SLC2A9: variants seen among roughly 807,000 people sequenced by gnomAD.
SLC2A9 encodes the protein solute carrier family 2 member 9, also known as solute carrier family 2, facilitated glucose transporter member 9.
SLC2A9 carries 39 observed loss-of-function variants against 50.6 expected under a neutral mutation model. The observed-to-expected ratio is 0.77, with a 90% confidence interval of 0.60 to 1.01. The LOEUF (loss-of-function observed/expected upper bound fraction) is 1.01. Ranked by LOEUF, SLC2A9 falls within the 50% of genes least tolerant of loss-of-function variation. The pLI is 0.00. For missense variants in SLC2A9, 686 were observed against 677.6 expected (o/e 1.01, Z -0.14); for synonymous variants, 324 against 276.9 (o/e 1.17, Z -1.69).
intron 4 of SLC2A9, among the ~76,000 whole-genome samples, chr4:9,981,146 G>A (rs1459848605): frequency 5.9e-5 from 9 of 151,928 alleles, no homozygotes; most frequent in South Asian, 2.1e-4. Context: ...CGATGGTGAC[G>A]GTGATGATGG....
chr4:10,037,796 C>A (rs1322202712), intron 1 of SLC2A9, among the ~76,000 whole-genome samples: 3 of 151,698 alleles, frequency 2.0e-5, no homozygotes, highest in East Asian at 3.9e-4. Flanking sequence ...TAAAAACACA[C>A]AAAAAATTAG....
intron 5 of SLC2A9, 26 bp downstream of exon 5, chr4:9,980,566 G>T: frequency 6.2e-7 from 1 of 1,613,908 alleles, no homozygotes. Flanking sequence ...GAGAGCAGAT[G>T]CGGTTGACCA....
At chr4:9,831,697 G>A (rs1457967209) in intron 11 of SLC2A9, among the ~76,000 whole-genome samples, 1 of 152,236 alleles carries the variant, frequency 6.6e-6, no homozygotes, top group Non-Finnish European at 1.5e-5. Context: ...CCCAGAGAAA[G>A]AGTTAAGCTG....
At chr4:9,894,831 T>C (rs1738222262) in intron 8 of SLC2A9, among the ~76,000 whole-genome samples, 1 of 152,184 alleles carries the variant, frequency 6.6e-6, no homozygotes, top group African/African-American at 2.4e-5. Flanking sequence ...GAATGTGCCA[T>C]GGAAGAGCAT....
intron 6 of SLC2A9, among the ~76,000 whole-genome samples, chr4:9,931,960 CTCTATATATATATA>C (rs1746135469): frequency 4.5e-5 from 1 of 22,350 alleles, no homozygotes; most frequent in Non-Finnish European, 7.5e-5. Flanking sequence ...CTCTCTCTCT[CTCTATATATATATA>C]TATATATATA....
chr4:9,798,444 T>C (rs1293833930), downstream of SLC2A9, among the ~76,000 whole-genome samples: 1 of 152,198 alleles, frequency 6.6e-6, no homozygotes, highest in Non-Finnish European at 1.5e-5. Flanking sequence ...GGGTTACTTA[T>C]AACCAAATCA....
At chr4:9,860,806 A>G (rs1435267733) in intron 10 of SLC2A9, among the ~76,000 whole-genome samples, 1 of 152,222 alleles carries the variant, frequency 6.6e-6, no homozygotes, top group African/African-American at 2.4e-5. Context: ...TCCTCCCTGA[A>G]GCCTGAGGCT....
chr4:9,988,013 G>C (rs1757038650), intron 3 of SLC2A9, among the ~76,000 whole-genome samples: 1 of 152,244 alleles, frequency 6.6e-6, no homozygotes, highest in African/African-American at 2.4e-5. Context: ...CAGCCACTGG[G>C]AGATTCCAAG....
chr4:9,785,189 C>A (rs770284189), intron 3 of SLC2A9, among the ~76,000 whole-genome samples: 4 of 152,172 alleles, frequency 2.6e-5, no homozygotes, highest in Non-Finnish European at 5.9e-5. Flanking sequence ...GTCAATTAAC[C>A]TTTCTGGGCC....
chr4:9,997,121 A>T (rs1353245466), intron 2 of SLC2A9, among the ~76,000 whole-genome samples, 180 bp from the exon 3 acceptor site: 1 of 152,184 alleles, frequency 6.6e-6, no homozygotes, highest in Non-Finnish European at 1.5e-5. Flanking sequence ...AGAAGATGTT[A>T]ATCTTTATTA....
chr4:10,009,795 T>G (rs991807496), intron 2 of SLC2A9: 14 of 152,256 alleles, frequency 9.2e-5, no homozygotes, highest in African/African-American at 2.7e-4. Context: ...ATTCATTCTT[T>G]CTCACTCCTT....
At chr4:9,937,248 G>A (rs139357070) in intron 6 of SLC2A9, among the ~76,000 whole-genome samples, 6 of 152,304 alleles carry the variant, frequency 3.9e-5, no homozygotes, top group East Asian at 1.9e-4. Flanking sequence ...GAACGACTTC[G>A]TGCTCTGAGG....
intron 5 of SLC2A9, among the ~76,000 whole-genome samples, chr4:9,945,159 C>T (rs1012836098): frequency 6.6e-6 from 1 of 152,254 alleles, no homozygotes; most frequent in African/African-American, 2.4e-5. Flanking sequence ...TCAGGGCAAC[C>T]TAGTGAGTGG....
At chr4:9,793,148 G>A (rs1165356621) in intron 3 of SLC2A9, among the ~76,000 whole-genome samples, 1 of 152,206 alleles carries the variant, frequency 6.6e-6, no homozygotes, top group African/African-American at 2.4e-5. Context: ...ACAAGATTTT[G>A]CAGCCTGAAC....
At chr4:9,920,937 G>C (rs1220118911) in intron 6 of SLC2A9, among the ~76,000 whole-genome samples, 1 of 152,216 alleles carries the variant, frequency 6.6e-6, no homozygotes, top group African/African-American at 2.4e-5. Flanking sequence ...AATGGCTGTT[G>C]TAATAATTGC....
At chr4:9,829,606 G>A (rs1157587279) in intron 11 of SLC2A9, among the ~76,000 whole-genome samples, 3 of 151,966 alleles carry the variant, frequency 2.0e-5, no homozygotes, top group Admixed American at 6.6e-5. Context: ...GAAAGTTTTT[G>A]CAATCTATCC....
intron 9 of SLC2A9, among the ~76,000 whole-genome samples, chr4:9,889,544 A>G (rs1317451703): frequency 1.3e-5 from 2 of 152,136 alleles, no homozygotes; most frequent in African/African-American, 2.4e-5. Context: ...CTGCCAGCAC[A>G]TTGTCCCTGA....
rs78190988 is a variant in SLC2A9 at position 9,863,742 on chromosome 4, C to T, written c.1291+23825G>A. ...GCTAGACCTGATGAATGAGACTTCA[C>T]AGTGGGGTGAGAATTTCCATCAGAG... On this transcript the variant is annotated intron_variant, in intron 10 of 11. Transcript: ENST00000264784. 5.5e-3 allele frequency among the ~76,000 whole-genome samples: 831 copies of T among 152,226 alleles called. 18 individuals are homozygous for T. Among genetic ancestry groups the T allele is most frequent in the African/African-American group, 0.019 (800 of 41,454 alleles).
intron 3 of SLC2A9, among the ~76,000 whole-genome samples, chr4:9,807,842 T>C (rs1722325794): frequency 6.6e-6 from 1 of 152,184 alleles, no homozygotes; most frequent in Non-Finnish European, 1.5e-5. Flanking sequence ...GTGTTTCTTG[T>C]GACTCTCAGG....
Sources: allele counts gnomAD v4.1 joint callset (sites outside exome capture counted in the v4.1 genomes callset), GRCh38; gene constraint gnomAD v4.1.1; transcripts MANE v1.5; gene names NCBI Gene and HGNC (gene_info 2026-07-23, HGNC 2026-07-21).